Variants in MTAP observed in about 807,000 individuals in gnomAD.
MTAP encodes S-methyl-5'-thioadenosine phosphorylase.
In MTAP, 33 loss-of-function variants were observed where a neutral mutation model predicts 33.6. The observed-to-expected ratio is 0.98, with a 90% confidence interval of 0.74 to 1.31. The LOEUF (loss-of-function observed/expected upper bound fraction) is 1.31, where lower values mean the gene tolerates loss of function less well. Ranked by LOEUF, MTAP falls within the 40% of genes most tolerant of loss-of-function variation. MTAP has a pLI of 0.00. For synonymous variants in MTAP, 148 were observed against 125.7 expected (o/e 1.18, Z -1.19); for missense variants, 367 against 360.0 (o/e 1.02, Z -0.16).
chr9:21,828,977 T>G (rs142438120), intron 4 of MTAP, among the ~76,000 whole-genome samples: 76 of 152,346 alleles, frequency 5.0e-4, no homozygotes, highest in African/African-American at 1.7e-3. Flanking sequence ...TTTGAACATC[T>G]CATAGCAGAA....
At chr9:21,911,614 T>G (rs199882937) in intron 1 of MTAP, among the ~76,000 whole-genome samples, 4 of 151,686 alleles carry the variant, frequency 2.6e-5, no homozygotes, top group South Asian at 2.1e-4. Context: ...AGAATCTCTG[T>G]GACACATTTA....
intron 1 of MTAP, among the ~76,000 whole-genome samples, chr9:21,809,593 C>T (rs1483143169): frequency 2.0e-5 from 3 of 151,000 alleles, no homozygotes; most frequent in Admixed American, 6.6e-5. Flanking sequence ...GAGCCGAGAT[C>T]GCACCACTGC....
At chr9:21,826,309 C>T (rs974243154) in intron 4 of MTAP, among the ~76,000 whole-genome samples, 3 of 151,220 alleles carry the variant, frequency 2.0e-5, no homozygotes, top group Admixed American at 6.6e-5. Flanking sequence ...AATAAGGGTC[C>T]ACTCATTACA....
chr9:21,848,268 G>A (rs978879735), intron 5 of MTAP, among the ~76,000 whole-genome samples: 4 of 152,182 alleles, frequency 2.6e-5, no homozygotes, highest in African/African-American at 9.7e-5. Flanking sequence ...GTGAGGTTGA[G>A]ATTGTGACCC....
intron 4 of MTAP, among the ~76,000 whole-genome samples, chr9:21,821,652 G>C (rs1174005233): frequency 6.6e-6 from 1 of 152,172 alleles, no homozygotes; most frequent in African/African-American, 2.4e-5. Flanking sequence ...AATGAGTTAG[G>C]GAGGATTCCC....
intron 1 of MTAP, among the ~76,000 whole-genome samples, chr9:21,910,761 G>T (rs1477758330): frequency 6.6e-6 from 1 of 152,056 alleles, no homozygotes; most frequent in African/African-American, 2.4e-5. Flanking sequence ...TCACACAGGT[G>T]TGCTACCAGT....
At chr9:21,901,938 A>T (rs1013116746) in intron 1 of MTAP, among the ~76,000 whole-genome samples, 1 of 152,190 alleles carries the variant, frequency 6.6e-6, no homozygotes, top group Non-Finnish European at 1.5e-5. Flanking sequence ...ACAAAAAGGA[A>T]AATATGACAA....
chr9:21,840,349 A>C (rs1422700067), intron 5 of MTAP, among the ~76,000 whole-genome samples: 1 of 152,224 alleles, frequency 6.6e-6, no homozygotes, highest in Non-Finnish European at 1.5e-5. Flanking sequence ...CGGGAAAACC[A>C]AAAGAATTCA....
chr9:21,931,387 G>A (rs1818956057), downstream of MTAP: 1 of 495,524 alleles, frequency 2.0e-6, no homozygotes, highest in African/African-American at 2.0e-5. Flanking sequence ...AGGAATGTCA[G>A]GTGAGCATCA....
intron 4 of MTAP, among the ~76,000 whole-genome samples, chr9:21,824,717 G>A (rs1040856093): frequency 6.6e-5 from 10 of 152,208 alleles, no homozygotes; most frequent in Admixed American, 5.2e-4. Flanking sequence ...TACAGAGGCA[G>A]GCAGGCCTCC....
rs770816819 is a variant in MTAP at position 21,802,789 on chromosome 9, G to T, written c.33+8G>T. On this transcript the variant is annotated splice_region_variant and intron_variant, in intron 1 of 7. Transcript: ENST00000644715. Reference sequence around the variant, plus strand: ...ACCACCACCGCCGTGAAGGTGAGATGAGCCCTCCCAGCCGCAGCGGTTCGC... The same window carrying T: ...ACCACCACCGCCGTGAAGGTGAGATTAGCCCTCCCAGCCGCAGCGGTTCGC... The T allele has an allele frequency of 6.2e-7, 1 of 1,612,802 alleles. No homozygotes were observed. Among genetic ancestry groups the T allele is most frequent in the Admixed American group, 1.7e-5 (1 of 59,968 alleles).
At chr9:21,854,362 C>T (rs887384251) in intron 5 of MTAP, among the ~76,000 whole-genome samples, 2 of 152,098 alleles carry the variant, frequency 1.3e-5, no homozygotes, top group East Asian at 1.9e-4. Context: ...AAATGCCTGG[C>T]GAGTAGAAAG....
intron 1 of MTAP, among the ~76,000 whole-genome samples, chr9:21,916,124 G>C (rs899353931): frequency 6.6e-6 from 1 of 150,752 alleles, no homozygotes; most frequent in Admixed American, 6.6e-5. Context: ...AGGAAGGAGG[G>C]AGGGAAGGAA....
Position 21,863,952 on chromosome 9 carries a change from ATTAGCAATCTGTAGAGAAC to A in MTAP, c.*1942_*1960del. 3.0e-6 allele frequency: 3 copies of A among 985,856 alleles called. No individual in the cohort carries two copies. The highest frequency in any genetic ancestry group is 3.6e-6 in the Non-Finnish European group (3 of 829,930). 61.1% of individuals were successfully genotyped at this position (985,856 alleles called of 1,614,324 possible). A position where few individuals can be genotyped will look rare whatever the true frequency, so the allele number is the denominator to read the frequency against. ...TATTAAATTTCAACTCTGGTTATCC[ATTAGCAATCTGTAGAGAAC>A]TTAATGAACCTGAACCCAGGCTTCT... On this transcript the variant is annotated 3_prime_UTR_variant, in exon 8 of 8. Coordinates refer to ENST00000644715, the MANE Select transcript of MTAP (RefSeq NM_002451.4).
At chr9:21,803,710 A>G (rs1408525092) in intron 1 of MTAP, among the ~76,000 whole-genome samples, 1 of 133,106 alleles carries the variant, frequency 7.5e-6, no homozygotes, top group Admixed American at 7.6e-5. Context: ...TAGGCAGTTT[A>G]TTACTGGCTA....
chr9:21,824,770 C>A (rs1280001094), intron 4 of MTAP, among the ~76,000 whole-genome samples: 1 of 152,214 alleles, frequency 6.6e-6, no homozygotes, highest in Admixed American at 6.5e-5. Flanking sequence ...TTCCCAGCCA[C>A]TTTGTTTACC....
At chr9:21,876,881 A>C (rs2118675791) in intron 1 of MTAP, among the ~76,000 whole-genome samples, 1 of 150,290 alleles carries the variant, frequency 6.7e-6, no homozygotes, top group African/African-American at 2.4e-5. Flanking sequence ...TTAAAAAAAA[A>C]AATTTCTGTG....
At chr9:21,929,534 A>G (rs936990250) in intron 1 of MTAP, 2 of 325,228 alleles carry the variant, frequency 6.1e-6, no homozygotes, top group Non-Finnish European at 1.3e-5. Flanking sequence ...TTATGAGAAA[A>G]AGCTCAGCAA....
intron 6 of MTAP, among the ~76,000 whole-genome samples, chr9:21,858,493 C>G (rs79885275): frequency 1.3e-5 from 2 of 152,116 alleles, no homozygotes; most frequent in East Asian, 3.9e-4. Context: ...GCAAAAGGAG[C>G]GAGGCATCTC....
Sources: allele counts gnomAD v4.1 joint callset (sites outside exome capture counted in the v4.1 genomes callset), GRCh38; gene constraint gnomAD v4.1.1; transcripts MANE v1.5; gene names NCBI Gene and HGNC (gene_info 2026-07-23, HGNC 2026-07-21).